Variants in FAM168A observed in about 807,000 individuals in gnomAD.
FAM168A encodes family with sequence similarity 168 member A.
A neutral mutation model predicts 28.5 loss-of-function variants in FAM168A; 3 were observed. That is an observed-to-expected ratio of 0.11 (90% CI 0.05 to 0.27). The LOEUF is 0.27. Among genes scored for constraint, FAM168A ranks in the 10% least tolerant of loss-of-function variants. The pLI is 1.00. For synonymous variants in FAM168A, 122 were observed against 124.2 expected, an observed-to-expected ratio of 0.98 and a Z score of 0.12; for missense variants, 222 against 311.5, an observed-to-expected ratio of 0.71 and a Z score of 2.16.
chr11:73,474,316 T>G (rs1867858338), intron 1 of FAM168A, among the ~76,000 whole-genome samples: 1 of 147,034 alleles, frequency 6.8e-6, no homozygotes, highest in South Asian at 2.1e-4. Context: ...CCTGAAAGCC[T>G]TTTAAAAAAA....
intron 2 of FAM168A, among the ~76,000 whole-genome samples, chr11:73,459,879 ATTTTTT>A (rs918564469): frequency 1.8e-5 from 2 of 108,458 alleles, no homozygotes; most frequent in East Asian, 2.6e-4. Flanking sequence ...ATCCAAATGA[ATTTTTT>A]TTTTTTTTTT....
At chr11:73,505,369 A>G (rs1034489212) in intron 1 of FAM168A, among the ~76,000 whole-genome samples, 3 of 152,180 alleles carry the variant, frequency 2.0e-5, no homozygotes, top group African/African-American at 4.8e-5. Context: ...CTCACCTGTA[A>G]AATGACCATA....
intron 1 of FAM168A, among the ~76,000 whole-genome samples, chr11:73,540,570 C>T (rs957265512): frequency 2.0e-5 from 3 of 152,162 alleles, no homozygotes; most frequent in Non-Finnish European, 4.4e-5. Context: ...TCATTCCTAC[C>T]TCTGGATCTT....
chr11:73,430,279 T>G (rs1021125345), intron 3 of FAM168A: 2 of 115,582 alleles, frequency 1.7e-5, no homozygotes, highest in Non-Finnish European at 4.0e-5. Context: ...TGTCCCAAGG[T>G]GTGTGTGTGT....
At chr11:73,590,557 C>A (rs1439847183) in intron 1 of FAM168A, among the ~76,000 whole-genome samples, 1 of 152,166 alleles carries the variant, frequency 6.6e-6, no homozygotes, top group African/African-American at 2.4e-5. Flanking sequence ...CAAAAATAAT[C>A]TACATTATTA....
chr11:73,496,919 A>G (rs1047682672), intron 1 of FAM168A, among the ~76,000 whole-genome samples: 2 of 151,064 alleles, frequency 1.3e-5, no homozygotes, highest in South Asian at 2.1e-4. Flanking sequence ...ACACACACGC[A>G]CACACACACA....
At chr11:73,496,720 C>T (rs1442739599) in intron 1 of FAM168A, among the ~76,000 whole-genome samples, 1 of 152,086 alleles carries the variant, frequency 6.6e-6, no homozygotes, top group Admixed American at 6.5e-5. Flanking sequence ...ACCACCATGC[C>T]CGGCTAATTT....
rs936030326 is a variant in FAM168A at position 73,459,534 on chromosome 11, C to T, written c.70+8871G>A. ...AAGAAAAAAAAAAGAAATGAGGTCA[C>T]ACTATGTTGCACAGGCTGGTCACAT... On this transcript the variant is annotated intron_variant, in intron 2 of 7. Transcript: ENST00000356467. Among the ~76,000 whole-genome samples the T allele has an allele frequency of 4.6e-5, 7 of 151,340 alleles. No homozygotes were observed. The East Asian group carries it at 1.4e-3, about 29-fold the overall frequency.
intron 2 of FAM168A, among the ~76,000 whole-genome samples, chr11:73,454,576 A>ATTTT (rs1332063886): frequency 1.3e-5 from 2 of 152,124 alleles, no homozygotes; most frequent in African/African-American, 4.8e-5. Context: ...TCAAGCCAAA[A>ATTTT]AGCCTGAAAC....
intron 1 of FAM168A, among the ~76,000 whole-genome samples, chr11:73,483,467 T>C (rs1383177918): frequency 6.6e-6 from 1 of 152,206 alleles, no homozygotes; most frequent in Non-Finnish European, 1.5e-5. Context: ...GAAGATGCTA[T>C]GGAGGATAAA....
chr11:73,501,734 G>A (rs371615883), intron 1 of FAM168A, among the ~76,000 whole-genome samples: 1 of 152,166 alleles, frequency 6.6e-6, no homozygotes, highest in East Asian at 1.9e-4. Context: ...ACATCAGAAA[G>A]CTAGAAAGAT....
At chr11:73,527,716 T>A (rs1213813326) in intron 1 of FAM168A, among the ~76,000 whole-genome samples, 1 of 152,042 alleles carries the variant, frequency 6.6e-6, no homozygotes, top group East Asian at 1.9e-4. Context: ...CCAGGTGGGT[T>A]CTAGAAAAGC....
At chr11:73,532,302 C>G (rs536361428) in intron 1 of FAM168A, among the ~76,000 whole-genome samples, 11 of 152,216 alleles carry the variant, frequency 7.2e-5, no homozygotes, top group Non-Finnish European at 1.5e-5. Context: ...ATACCTACCC[C>G]ACCCCTGCCC....
chr11:73,475,569 G>T (rs1867876647), intron 1 of FAM168A, among the ~76,000 whole-genome samples: 1 of 151,892 alleles, frequency 6.6e-6, no homozygotes, highest in African/African-American at 2.4e-5. Context: ...ATAGAAGGAG[G>T]TGGAACTTCT....
chr11:73,573,756 G>A (rs1453075741), intron 1 of FAM168A, among the ~76,000 whole-genome samples: 5 of 152,242 alleles, frequency 3.3e-5, no homozygotes, highest in Non-Finnish European at 4.4e-5. Flanking sequence ...ACAGGAGTTC[G>A]AAACCAGTCT....
intron 3 of FAM168A, among the ~76,000 whole-genome samples, chr11:73,427,978 C>G (rs1866919278): frequency 6.6e-6 from 1 of 152,200 alleles, no homozygotes; most frequent in Non-Finnish European, 1.5e-5. Context: ...TAAGAACCCT[C>G]CTTGATCTCT....
chr11:73,544,866 TA>T lies in FAM168A; in HGVS notation c.-19+53056del, dbSNP rs1208036922. Among the ~76,000 whole-genome samples, 324 of 94,092 alleles carry T rather than the reference TA, an allele frequency of 3.4e-3. 6 individuals are homozygous for T. The highest frequency in any genetic ancestry group is 0.012 in the African/African-American group (210 of 18,240). 61.7% of individuals were successfully genotyped at this position (94,092 alleles called of 152,430 possible). A position where few individuals can be genotyped will look rare whatever the true frequency, so the allele number is the denominator to read the frequency against. The stretch of plus-strand genomic sequence containing the variant: ...TATTAAATATATAATATATAATATA[TA>T]ATTATATATATTATATATAAAATAT... On this transcript the variant is annotated intron_variant, in intron 1 of 7. Transcript: ENST00000356467.
intron 1 of FAM168A, among the ~76,000 whole-genome samples, chr11:73,578,645 C>A (rs1944204820): frequency 6.6e-6 from 1 of 152,190 alleles, no homozygotes; most frequent in South Asian, 2.1e-4. Flanking sequence ...AGTAAAACAT[C>A]ACTGAAAGTT....
intron 1 of FAM168A, among the ~76,000 whole-genome samples, chr11:73,569,492 T>C (rs969705194): frequency 2.0e-5 from 3 of 152,244 alleles, no homozygotes; most frequent in Non-Finnish European, 4.4e-5. Context: ...TGAAAGTATC[T>C]ATTTTACATA....
Sources: gnomAD v4.1 joint callset for allele counts (sites outside exome capture counted in the v4.1 genomes callset) on GRCh38, gnomAD v4.1.1 for gene constraint, MANE v1.5 for transcripts, NCBI Gene and HGNC (gene_info 2026-07-23, HGNC 2026-07-21) for gene names.